The following VPS13C variants were observed in gnomAD, a reference collection of about 807,000 sequenced individuals.
VPS13C encodes intermembrane lipid transfer protein VPS13C.
In VPS13C, 358 loss-of-function variants were observed where a neutral mutation model predicts 456.8. That is an observed-to-expected ratio of 0.78 (90% CI 0.72 to 0.86). The LOEUF (loss-of-function observed/expected upper bound fraction) is 0.86, where lower values mean the gene tolerates loss of function less well. VPS13C is among the 40% of genes least tolerant of loss of function. The pLI is 0.00. For missense variants in VPS13C, 4,818 were observed against 4,385.4 expected, an observed-to-expected ratio of 1.10 and a Z score of -2.79; for synonymous variants, 1,578 against 1,486.7, an observed-to-expected ratio of 1.06 and a Z score of -1.41.
intron 1 of VPS13C, 37 bp downstream of exon 1, chr15:62,060,238 A>G (rs772927029): frequency 1.5e-6 from 2 of 1,321,880 alleles, no homozygotes; most frequent in Non-Finnish European, 2.1e-6. Flanking sequence ...CTGGGCCCTC[A>G]GCGCCCGCAG....
intron 27 of VPS13C, 100 bp downstream of exon 27, chr15:61,972,525 C>T: frequency 7.6e-7 from 1 of 1,321,638 alleles, no homozygotes. Flanking sequence ...AGACAGAGTA[C>T]CACATTTTTA....
intron 66 of VPS13C, among the ~76,000 whole-genome samples, chr15:61,904,305 T>A (rs183647217): frequency 5.5e-5 from 8 of 145,430 alleles, no homozygotes; most frequent in South Asian, 2.2e-4. Context: ...TTGAATTCCT[T>A]AAAAAAAAAA....
chr15:61,904,353 A>G (rs965772748), intron 66 of VPS13C, among the ~76,000 whole-genome samples: 7 of 152,118 alleles, frequency 4.6e-5, no homozygotes, highest in Non-Finnish European at 1.0e-4. Context: ...CTGAAGAGGC[A>G]TATCTCAAAA....
Position 61,924,982 on chromosome 15 carries a change from CA to C in VPS13C, c.6609+473del, listed in dbSNP as rs560742527. Reference sequence around the variant, plus strand: ...AATGCTTTAAATGTAGTGAATAAAACAGTAAACTCCAATAATTATTTCTAGT... The same window carrying C: ...AATGCTTTAAATGTAGTGAATAAAACGTAAACTCCAATAATTATTTCTAGT... On this transcript the variant is annotated intron_variant, in intron 53 of 84. Coordinates refer to ENST00000644861, the MANE Select transcript of VPS13C (RefSeq NM_020821.3). Among the ~76,000 whole-genome samples, 115 of 152,238 alleles carry C rather than the reference CA, an allele frequency of 7.6e-4. 1 individual carries two copies. Among genetic ancestry groups the C allele is most frequent in the South Asian group, 2.1e-3 (10 of 4,814 alleles).
intron 39 of VPS13C, among the ~76,000 whole-genome samples, chr15:61,951,276 C>T (rs571970021): frequency 6.6e-6 from 1 of 152,144 alleles, no homozygotes; most frequent in South Asian, 2.1e-4. Context: ...TACTGTATTA[C>T]TCTCATCTAA....
chr15:62,019,993 TACAG>T (rs765173725), intron 9 of VPS13C, among the ~76,000 whole-genome samples: 5 of 151,130 alleles, frequency 3.3e-5, no homozygotes, highest in African/African-American at 7.3e-5. Context: ...TGTATATATA[TACAG>T]ACACACACTG....
intron 62 of VPS13C, 96 bp from the exon 63 acceptor site, chr15:61,912,100 T>TA (rs2043318929): frequency 1.9e-6 from 2 of 1,072,142 alleles, no homozygotes; most frequent in Admixed American, 7.2e-5. Flanking sequence ...TACAATATTT[T>TA]AAAATAATAA....
intron 6 of VPS13C, among the ~76,000 whole-genome samples, chr15:62,026,546 G>C (rs963145569): frequency 4.6e-5 from 7 of 151,820 alleles, no homozygotes; most frequent in Admixed American, 4.6e-4. Flanking sequence ...TCCTTGAAGT[G>C]GTTTTGTTGA....
chr15:62,028,269 G>T, intron 6 of VPS13C, 89 bp downstream of exon 6: 1 of 1,363,030 alleles, frequency 7.3e-7, no homozygotes, highest in Non-Finnish European at 1.0e-6. Flanking sequence ...CTAAAAGGAT[G>T]GCATGCCATC....
At chr15:61,943,298 C>A (rs567652924) in intron 45 of VPS13C, among the ~76,000 whole-genome samples, 40 of 152,110 alleles carry the variant, frequency 2.6e-4, no homozygotes, top group African/African-American at 8.9e-4. Context: ...CAAAAAAGAA[C>A]CCAAATAACC....
chr15:62,010,313 T>C (rs1268142257), intron 13 of VPS13C, among the ~76,000 whole-genome samples, 159 bp downstream of exon 13: 1 of 152,170 alleles, frequency 6.6e-6, no homozygotes, highest in Non-Finnish European at 1.5e-5. Flanking sequence ...ACTACTTAAA[T>C]TTGAAATTCA....
chr15:62,021,856 G>A (rs529599388), intron 8 of VPS13C, among the ~76,000 whole-genome samples: 1 of 151,876 alleles, frequency 6.6e-6, no homozygotes, highest in East Asian at 1.9e-4. Context: ...TTTTATTAAA[G>A]ACAACCCTCA....
intron 77 of VPS13C, 75 bp downstream of exon 77, chr15:61,874,801 T>G (rs187680393): frequency 2.0e-4 from 261 of 1,318,918 alleles, no homozygotes; most frequent in Middle Eastern, 9.3e-4. Context: ...ATAAAAGCAT[T>G]TGTTTTTCAT....
intron 16 of VPS13C, 139 bp downstream of exon 16, chr15:62,000,425 A>T: frequency 1.4e-6 from 1 of 727,310 alleles, no homozygotes; most frequent in South Asian, 2.1e-5. Flanking sequence ...GCTTTTTTTC[A>T]GTACTCCAGT....
At position 61,918,305 on chromosome 15, in the gene VPS13C, G is replaced by T. The variant is rs11071640; in HGVS notation, c.7639-48C>A. ...AGTTTTTTAAAAGATATGTAAGTTC[G>T]AAAGAAAAAATGAGAGCCACAAACA... On this transcript the variant is annotated intron_variant, in intron 58 of 84. Transcript: ENST00000644861. 5 of 1,447,622 alleles carry T rather than the reference G, an allele frequency of 3.5e-6. No homozygotes were observed. In the Admixed American group the frequency reaches 7.8e-5, roughly 23 times the overall value. The allele number at this position is 1,447,622 out of a possible 1,614,324, so 89.7% of individuals were successfully genotyped here.
intron 82 of VPS13C, among the ~76,000 whole-genome samples, chr15:61,861,852 C>A (rs1054783478): frequency 3.3e-5 from 5 of 152,192 alleles, no homozygotes; most frequent in Middle Eastern, 3.2e-3. Flanking sequence ...GTAATCCTGG[C>A]ACTTTGGGAG....
chr15:62,015,391 G>T (rs937566849), intron 9 of VPS13C, among the ~76,000 whole-genome samples: 1 of 151,952 alleles, frequency 6.6e-6, no homozygotes. Context: ...GGCTTTTGTT[G>T]CCATTGCTTT....
intron 6 of VPS13C, among the ~76,000 whole-genome samples, 169 bp downstream of exon 6, chr15:62,028,189 T>C (rs2047700585): frequency 6.6e-6 from 1 of 151,832 alleles, no homozygotes; most frequent in Non-Finnish European, 1.5e-5. Flanking sequence ...AGTAAATGAA[T>C]AAACGACTAC....
At chr15:61,950,303 G>A (rs2044742194) in intron 41 of VPS13C, 55 bp downstream of exon 41, 1 of 1,299,296 alleles carries the variant, frequency 7.7e-7, no homozygotes. Flanking sequence ...AAATGGCTAT[G>A]AAGCTAGATA....
Sources: gnomAD v4.1 joint callset for allele counts (sites outside exome capture counted in the v4.1 genomes callset) on GRCh38, gnomAD v4.1.1 for gene constraint, MANE v1.5 for transcripts, NCBI Gene and HGNC (gene_info 2026-07-23, HGNC 2026-07-21) for gene names.